The following HEATR5A variants were observed in gnomAD, a reference collection of about 807,000 sequenced individuals.
The protein encoded by HEATR5A is HEAT repeat containing 5A, also known as HEAT repeat-containing protein 5A.
HEATR5A carries 178 observed loss-of-function variants against 218.8 expected under a neutral mutation model. The observed-to-expected ratio is 0.81, with a 90% CI of 0.72 to 0.92. HEATR5A has a LOEUF of 0.92. Ranked by LOEUF, HEATR5A falls within the 40% of genes least tolerant of loss-of-function variation. HEATR5A has a pLI of 0.00. For synonymous variants in HEATR5A, 864 were observed against 871.6 expected (o/e 0.99, Z 0.15); for missense variants, 2,420 against 2,418.9 (o/e 1.00, Z -0.01).
chr14:31,325,555 C>CTGGAG (rs1347455531), intron 23 of HEATR5A, among the ~76,000 whole-genome samples: 3 of 151,986 alleles, frequency 2.0e-5, no homozygotes, highest in African/African-American at 7.3e-5. Context: ...GTTGCCCAGG[C>CTGGAG]TGGAGTGCAG....
At chr14:31,307,775 G>A (rs1303941896) in intron 30 of HEATR5A, 118 bp downstream of exon 30, 4 of 1,122,190 alleles carry the variant, frequency 3.6e-6, no homozygotes, top group Non-Finnish European at 5.1e-6. Flanking sequence ...CTGTGAGGCT[G>A]TATGGTTTAG....
intron 11 of HEATR5A, 111 bp from the exon 12 acceptor site, chr14:31,375,079 C>T (rs12885363): frequency 0.91 from 780,029 of 860,528 alleles, 355,720 homozygotes; most frequent in Non-Finnish European, 0.94. Context: ...ATTATTGCAA[C>T]ATTTTGTCCC....
At chr14:31,390,361 G>C (rs560924935) in intron 6 of HEATR5A, among the ~76,000 whole-genome samples, 70 of 152,072 alleles carry the variant, frequency 4.6e-4, no homozygotes, top group Middle Eastern at 6.8e-3. Flanking sequence ...ATTATAGAGG[G>C]GGGTAAAGAT....
intron 25 of HEATR5A, chr14:31,320,218 G>A (rs886366127): frequency 1.1e-5 from 7 of 645,158 alleles, no homozygotes; most frequent in Non-Finnish European, 1.7e-5. Context: ...TGACCCTCAC[G>A]GAGCCTCACA....
chr14:31,410,344 C>T (rs989475179), intron 1 of HEATR5A, among the ~76,000 whole-genome samples: 32 of 152,158 alleles, frequency 2.1e-4, no homozygotes, highest in Admixed American at 3.3e-4. Context: ...TCAAGAAACA[C>T]AGATAAATCC....
Position 31,398,705 on chromosome 14 carries a change from C to G in HEATR5A, c.415G>C (p.Gly139Arg). The part of the protein sequence containing the change: ...ILGNTFTDTV[G>R]NILKAMKSAE... ...CTCTTCATAGCTTTAAGAATATTCCCCACTGTATCAGTAAAGGTGTTACCC... is the reference window on the plus strand; with the variant it reads ...CTCTTCATAGCTTTAAGAATATTCCGCACTGTATCAGTAAAGGTGTTACCC... The change falls in exon 4 of 36, where the codon GGG (glycine) becomes CGG (arginine). Residue 139 changes from glycine (G) to arginine (R), a missense_variant. Gly to Arg is a moderately radical substitution (Grantham distance 125). Coordinates refer to ENST00000543095, the MANE Select transcript of HEATR5A (RefSeq NM_015473.4). 1.3e-6 allele frequency: 2 copies of G among 1,528,614 alleles called. No individual in the cohort carries two copies. Among genetic ancestry groups the G allele is most frequent in the Non-Finnish European group, 1.8e-6 (2 of 1,139,768 alleles). The allele number at this position is 1,528,614 out of a possible 1,614,324, so 94.7% of individuals were successfully genotyped here.
chr14:31,405,912 A>G (rs2031044232), intron 1 of HEATR5A, among the ~76,000 whole-genome samples: 1 of 152,242 alleles, frequency 6.6e-6, no homozygotes, highest in African/African-American at 2.4e-5. Flanking sequence ...GATCATAAGC[A>G]GGTCATAAAG....
chr14:31,401,076 T>C (rs1446288119), intron 2 of HEATR5A, among the ~76,000 whole-genome samples: 1 of 152,080 alleles, frequency 6.6e-6, no homozygotes, highest in South Asian at 2.1e-4. Context: ...CCTGACCTTA[T>C]GATCCACCCA....
At chr14:31,368,132 T>A (rs965710718) in intron 13 of HEATR5A, among the ~76,000 whole-genome samples, 2 of 152,132 alleles carry the variant, frequency 1.3e-5, no homozygotes, top group African/African-American at 4.8e-5. Flanking sequence ...ACAAATGGAT[T>A]AATGTCATTA....
At chr14:31,336,213 C>CACACACACATATATATAT (rs758047507) in intron 22 of HEATR5A, among the ~76,000 whole-genome samples, 2 of 90,740 alleles carry the variant, frequency 2.2e-5, no homozygotes, top group African/African-American at 7.3e-5. Flanking sequence ...TATATACATA[C>CACACACACATATATATAT]ATACATATAT....
At chr14:31,379,297 CT>C (rs541370723) in intron 11 of HEATR5A, among the ~76,000 whole-genome samples, 153 of 151,882 alleles carry the variant, frequency 1.0e-3, no homozygotes, top group African/African-American at 3.6e-3. Flanking sequence ...GTCACCCAAG[CT>C]GGAGTGCAGT....
intron 2 of HEATR5A, 151 bp downstream of exon 2, chr14:31,402,699 G>C: frequency 1.6e-6 from 1 of 642,958 alleles, no homozygotes; most frequent in South Asian, 3.8e-5. Context: ...TCTGATGAGG[G>C]AACAAAAAAT....
chr14:31,407,366 T>C (rs2031106048), intron 1 of HEATR5A, among the ~76,000 whole-genome samples: 1 of 152,158 alleles, frequency 6.6e-6, no homozygotes, highest in African/African-American at 2.4e-5. Flanking sequence ...CTTGGTGTAA[T>C]AAACTTGGGA....
Position 31,388,903 on chromosome 14 carries a change from C to T in HEATR5A, c.875G>A (p.Gly292Glu). 6.2e-7 allele frequency: 1 copy of T among 1,613,878 alleles called. No homozygotes were observed. ...RGSSGFLRAS[G>E]DMLKGTSSVS... ...TGAACTGGTTCCTTTCAGCATATCT[C>T]CACTGGCTCGAAGGAATCCTGAACT... The change falls in exon 7 of 36, where the codon GGA becomes GAA. Residue 292 changes from glycine (G) to glutamate (E), a missense_variant. By Grantham distance (98) the Gly-to-Glu change is moderately conservative. Transcript: ENST00000543095.
At chr14:31,394,699 T>C (rs535665713) in intron 5 of HEATR5A, among the ~76,000 whole-genome samples, 1 of 152,168 alleles carries the variant, frequency 6.6e-6, no homozygotes, top group South Asian at 2.1e-4. Context: ...GCACCTGTAG[T>C]CCTGGCTACT....
chr14:31,292,217 T>G lies in HEATR5A; in HGVS notation c.*1088A>C, dbSNP rs1899051475. 2.0e-5 allele frequency: 3 copies of G among 152,202 alleles called. 1 individual carries two copies. The South Asian group carries it at 6.2e-4, about 32-fold the overall frequency. The allele number at this position is 152,202 out of a possible 1,614,324, so 9.4% of individuals were successfully genotyped here. ...GGCATTTATATAAACCCATAGTTGA[T>G]CTAAATACAATGTAGATATGAACCT... On this transcript the variant is annotated 3_prime_UTR_variant, in exon 36 of 36. Coordinates refer to ENST00000543095, the MANE Select transcript of HEATR5A (RefSeq NM_015473.4).
At chr14:31,361,025 C>T (rs1466481520) in intron 14 of HEATR5A, among the ~76,000 whole-genome samples, 1 of 152,046 alleles carries the variant, frequency 6.6e-6, no homozygotes, top group Non-Finnish European at 1.5e-5. Context: ...TCATAGTAAC[C>T]TAATAAGGTC....
chr14:31,303,109 T>TA (rs60210179), intron 32 of HEATR5A, among the ~76,000 whole-genome samples: 10,600 of 146,898 alleles, frequency 0.072, 642 homozygotes, highest in East Asian at 0.21. Flanking sequence ...AGACCCTGTC[T>TA]AAAAAAAAAA....
At chr14:31,354,336 A>G (rs1901344954) in intron 16 of HEATR5A, among the ~76,000 whole-genome samples, 1 of 152,228 alleles carries the variant, frequency 6.6e-6, no homozygotes, top group South Asian at 2.1e-4. Flanking sequence ...GCACTGTACT[A>G]TAAGTTGACC....
Sources: allele counts gnomAD v4.1 joint callset (sites outside exome capture counted in the v4.1 genomes callset), GRCh38; gene constraint gnomAD v4.1.1; transcripts MANE v1.5; gene names NCBI Gene and HGNC (gene_info 2026-07-23, HGNC 2026-07-21).